Variants in SCARA5 observed in about 807,000 individuals in gnomAD.
The protein encoded by SCARA5 is scavenger receptor class A, member 5 (putative).
A neutral mutation model predicts 46.3 loss-of-function variants in SCARA5; 45 were observed. That is an observed-to-expected ratio of 0.97 (90% CI 0.76 to 1.24). The LOEUF (loss-of-function observed/expected upper bound fraction) is 1.24. Ranked by LOEUF, SCARA5 falls within the 50% of genes most tolerant of loss-of-function variation. The pLI is 0.00. For synonymous variants in SCARA5, 333 were observed against 306.5 expected, an observed-to-expected ratio of 1.09 and a Z score of -0.90; for missense variants, 680 against 689.0, an observed-to-expected ratio of 0.99 and a Z score of 0.15.
intron 3 of SCARA5, among the ~76,000 whole-genome samples, chr8:27,950,607 C>A (rs537106654): frequency 6.6e-6 from 1 of 152,128 alleles, no homozygotes; most frequent in African/African-American, 2.4e-5. Flanking sequence ...GAAGGAGGGA[C>A]ATGTGAGCTC....
At position 27,871,802 on chromosome 8, in the gene SCARA5, C is replaced by A. The variant is rs945744756; in HGVS notation, c.*132G>T. The A allele has an allele frequency of 2.4e-5, 36 of 1,531,564 alleles. No individual in the cohort carries two copies. The highest frequency in any genetic ancestry group is 3.1e-5 in the Non-Finnish European group (35 of 1,140,582). 94.9% of individuals were successfully genotyped at this position (1,531,564 alleles called of 1,614,324 possible). Reference sequence around the variant, plus strand: ...GACCGGCCCCCACGGTCCTGGGATGCAGGTGTGAGGACTGAGAATGCTGGA... The same window carrying A: ...GACCGGCCCCCACGGTCCTGGGATGAAGGTGTGAGGACTGAGAATGCTGGA... On this transcript the variant is annotated 3_prime_UTR_variant, in exon 9 of 9. Coordinates refer to ENST00000354914, the MANE Select transcript of SCARA5 (RefSeq NM_173833.6).
At position 27,936,351 on chromosome 8, in the gene SCARA5, G is replaced by A. The variant is rs1807856664; in HGVS notation, c.242-14106C>T. On this transcript the variant is annotated intron_variant, in intron 3 of 8. Transcript: ENST00000354914. The stretch of plus-strand genomic sequence containing the variant: ...GGCAGGGTCCAACAAACAAAGCAAA[G>A]GATGAAGCAGGCAGATCACTTGAGG... Among the ~76,000 whole-genome samples the A allele has an allele frequency of 2.0e-5, 3 of 151,948 alleles. No homozygotes were observed. The South Asian group carries it at 6.2e-4, about 32-fold the overall frequency.
intron 8 of SCARA5, among the ~76,000 whole-genome samples, chr8:27,877,075 GC>G (rs976423813): frequency 5.3e-5 from 8 of 152,122 alleles, no homozygotes; most frequent in Non-Finnish European, 8.8e-5. Context: ...GGTCAGCTCT[GC>G]CCCCCAGCCC....
intron 3 of SCARA5, among the ~76,000 whole-genome samples, chr8:27,953,950 G>A (rs985594301): frequency 1.3e-5 from 2 of 152,202 alleles, no homozygotes; most frequent in African/African-American, 2.4e-5. Context: ...AGACCCCAGA[G>A]GAGGGAGGCA....
chr8:27,943,711 A>T (rs572508458), intron 3 of SCARA5, among the ~76,000 whole-genome samples: 6 of 152,322 alleles, frequency 3.9e-5, no homozygotes, highest in Admixed American at 2.6e-4. Flanking sequence ...CTTACATTGC[A>T]GCGGTCAGAG....
rs113860775 is a variant in SCARA5 at position 27,873,911 on chromosome 8, G to A, written c.1352-1841C>T. Among the ~76,000 whole-genome samples, 22 of 152,258 alleles carry A rather than the reference G, an allele frequency of 1.4e-4. No homozygotes were observed. The East Asian group carries it at 2.7e-3, about 19-fold the overall frequency. On this transcript the variant is annotated intron_variant, in intron 8 of 8. Transcript: ENST00000354914. Reference sequence around the variant, plus strand: ...CCAAAAACACAAAAATTGGCTGGGCGTGGTGGTGCACGCCTGTAATCTCAG... The same window carrying A: ...CCAAAAACACAAAAATTGGCTGGGCATGGTGGTGCACGCCTGTAATCTCAG...
At chr8:27,875,734 G>C (rs1479113194) in intron 8 of SCARA5, among the ~76,000 whole-genome samples, 1 of 152,154 alleles carries the variant, frequency 6.6e-6, no homozygotes, top group Non-Finnish European at 1.5e-5. Context: ...AATCCTCTGA[G>C]GACCCAGGCA....
At chr8:27,947,173 G>A (rs1034684954) in intron 3 of SCARA5, among the ~76,000 whole-genome samples, 3 of 152,140 alleles carry the variant, frequency 2.0e-5, no homozygotes, top group East Asian at 1.9e-4. Flanking sequence ...TACCACGTCC[G>A]GCTACCTTTT....
At chr8:27,924,216 C>T (rs1807646073) in intron 3 of SCARA5, among the ~76,000 whole-genome samples, 1 of 152,240 alleles carries the variant, frequency 6.6e-6, no homozygotes, top group East Asian at 1.9e-4. Flanking sequence ...GAGGTGGGGG[C>T]AGATGAGGCA....
intron 3 of SCARA5, among the ~76,000 whole-genome samples, chr8:27,947,708 TAA>T (rs34760183): frequency 6.2e-5 from 7 of 112,866 alleles, no homozygotes; most frequent in Admixed American, 9.1e-5. Flanking sequence ...GTGTCTCTAC[TAA>T]AAAAAAAAAA....
chr8:27,949,454 C>T (rs1262236930), intron 3 of SCARA5, among the ~76,000 whole-genome samples: 1 of 152,202 alleles, frequency 6.6e-6, no homozygotes, highest in African/African-American at 2.4e-5. Context: ...CTCAAGTAAC[C>T]TATTGGATGG....
chr8:27,907,867 GC>G (rs1807294013), intron 5 of SCARA5, among the ~76,000 whole-genome samples: 1 of 152,174 alleles, frequency 6.6e-6, no homozygotes, highest in African/African-American at 2.4e-5. Flanking sequence ...ACCGCGTCCA[GC>G]CTAGAATCAG....
At chr8:27,876,931 G>C (rs1291869650) in intron 8 of SCARA5, among the ~76,000 whole-genome samples, 1 of 152,154 alleles carries the variant, frequency 6.6e-6, no homozygotes, top group Non-Finnish European at 1.5e-5. Context: ...GATGCTGGCA[G>C]GGTGGCTCTG....
At chr8:27,912,290 T>C (rs984975802) in intron 4 of SCARA5, among the ~76,000 whole-genome samples, 8 of 152,188 alleles carry the variant, frequency 5.3e-5, no homozygotes, top group African/African-American at 9.7e-5. Context: ...CCAGCCAAGA[T>C]TGAGATGTAC....
intron 7 of SCARA5, among the ~76,000 whole-genome samples, chr8:27,888,648 T>C (rs1030774878): frequency 3.9e-5 from 6 of 152,240 alleles, no homozygotes; most frequent in African/African-American, 1.4e-4. Context: ...TTCCTCCCAC[T>C]GCACAACTTC....
At chr8:27,967,426 T>C (rs1808385364) in intron 2 of SCARA5, among the ~76,000 whole-genome samples, 1 of 152,190 alleles carries the variant, frequency 6.6e-6, no homozygotes, top group Admixed American at 6.5e-5. Context: ...AGAGGCTTAC[T>C]GATCTCCAGC....
chr8:27,918,656 GAAGATGAGGAGGAAA>G (rs1271291295), intron 4 of SCARA5, among the ~76,000 whole-genome samples: 859 of 4,190 alleles, frequency 0.21, 41 homozygotes, highest in Non-Finnish European at 0.26. Context: ...GGAGGAAAAG[GAAGATGAGGAGGAAA>G]AGGAAGATGA....
In SCARA5 at chr8:27,945,674, T is replaced by C. The variant is rs550561290; in HGVS notation, c.241+20740A>G. On this transcript the variant is annotated intron_variant, in intron 3 of 8. Coordinates refer to ENST00000354914, the MANE Select transcript of SCARA5 (RefSeq NM_173833.6). ...TCTGGAAGATAAGAACCAGGTCTTATACTTCCTTGGTCCCCCTATAGCACC... is the reference window on the plus strand; with the variant it reads ...TCTGGAAGATAAGAACCAGGTCTTACACTTCCTTGGTCCCCCTATAGCACC... Among the ~76,000 whole-genome samples, 6 of 152,352 alleles carry C rather than the reference T, an allele frequency of 3.9e-5. 1 individual carries two copies. In the South Asian group the frequency reaches 1.0e-3, roughly 26 times the overall value.
intron 2 of SCARA5, among the ~76,000 whole-genome samples, chr8:27,981,311 G>C (rs1215161606): frequency 1.3e-5 from 2 of 152,238 alleles, no homozygotes; most frequent in African/African-American, 4.8e-5. Context: ...GGACAGAGCA[G>C]CATTTGCGGG....
Sources: gnomAD v4.1 joint callset for allele counts (sites outside exome capture counted in the v4.1 genomes callset) on GRCh38, gnomAD v4.1.1 for gene constraint, MANE v1.5 for transcripts, NCBI Gene and HGNC (gene_info 2026-07-23, HGNC 2026-07-21) for gene names.